IQCM: variants seen among roughly 807,000 people sequenced by gnomAD.
IQCM encodes the protein IQ motif containing M, also known as IQ domain-containing protein M.
A neutral mutation model predicts 57.6 loss-of-function variants in IQCM; 45 were observed. The ratio of observed to expected loss-of-function variants is 0.78; its 90% CI spans 0.62 to 1.00. IQCM has a LOEUF of 1.00. IQCM is among the 50% of genes least tolerant of loss of function. The pLI, the probability that IQCM is intolerant of heterozygous loss-of-function variation, is 0.00. For synonymous variants in IQCM, 148 were observed against 158.9 expected (o/e 0.93, Z 0.51); for missense variants, 468 against 511.6 (o/e 0.91, Z 0.82).
At chr4:149,425,172 A>G (rs1734379438) in intron 13 of IQCM, among the ~76,000 whole-genome samples, 1 of 152,056 alleles carries the variant, frequency 6.6e-6, no homozygotes, top group Non-Finnish European at 1.5e-5. Flanking sequence ...TTATAAGAGT[A>G]TAAAGTGAAT....
intron 8 of IQCM, among the ~76,000 whole-genome samples, chr4:149,591,422 T>C (rs1481434571): frequency 1.3e-5 from 2 of 152,060 alleles, no homozygotes; most frequent in Admixed American, 6.6e-5. Context: ...TGGCCTATTA[T>C]GCCCCAACAC....
chr4:149,595,051 T>C (rs539529126), intron 8 of IQCM, among the ~76,000 whole-genome samples: 1 of 152,258 alleles, frequency 6.6e-6, no homozygotes, highest in African/African-American at 2.4e-5. Context: ...ATGTTGACAG[T>C]GGGGTGTTAA....
At chr4:149,593,972 C>A (rs550154380) in intron 8 of IQCM, among the ~76,000 whole-genome samples, 21 of 152,156 alleles carry the variant, frequency 1.4e-4, no homozygotes, top group Admixed American at 7.9e-4. Context: ...CTGGCCTCAT[C>A]AAATGAGTTA....
chr4:149,771,435 T>C (rs1770571458), intron 2 of IQCM, among the ~76,000 whole-genome samples: 1 of 152,114 alleles, frequency 6.6e-6, no homozygotes, highest in Non-Finnish European at 1.5e-5. Flanking sequence ...ATCCTCATAT[T>C]ACAAGTTCAT....
chr4:149,697,338 T>A (rs1406968267), intron 5 of IQCM, among the ~76,000 whole-genome samples: 1 of 152,130 alleles, frequency 6.6e-6, no homozygotes, highest in Non-Finnish European at 1.5e-5. Context: ...ATGGCACATG[T>A]ATACATATGT....
rs1239692171 is a variant in IQCM, at chr4:149,632,956, T to C, written c.566-11712A>G. Among the ~76,000 whole-genome samples the C allele has an allele frequency of 4.0e-5, 6 of 148,778 alleles. No individual in the cohort carries two copies. In the East Asian group the frequency reaches 1.2e-3, roughly 30 times the overall value. ...GCGGGTGGATCATGAGGTCAGGAGA[T>C]CGAGACCATCCTGGCTAACAAGGTG... is the stretch of plus-strand genomic sequence containing the variant. On this transcript the variant is annotated intron_variant, in intron 7 of 13. Transcript: ENST00000636793.
At chr4:149,674,110 C>T (rs1761546183) in intron 7 of IQCM, among the ~76,000 whole-genome samples, 4 of 151,972 alleles carry the variant, frequency 2.6e-5, no homozygotes, top group Admixed American at 2.6e-4. Context: ...TCACCATATT[C>T]TCAGAAAAAG....
At chr4:149,673,545 A>C (rs545719459) in intron 7 of IQCM, among the ~76,000 whole-genome samples, 1 of 152,314 alleles carries the variant, frequency 6.6e-6, no homozygotes, top group South Asian at 2.1e-4. Flanking sequence ...CATAATGGTA[A>C]AGGGATCAAT....
chr4:149,419,335 C>T (rs1174198944), intron 13 of IQCM, among the ~76,000 whole-genome samples: 1 of 152,010 alleles, frequency 6.6e-6, no homozygotes, highest in African/African-American at 2.4e-5. Context: ...AGAAATAAGA[C>T]CAAATATCTA....
In IQCM at chr4:149,428,484, C is replaced by T. The variant is rs141812145; in HGVS notation, c.1390+4912G>A. On this transcript the variant is annotated intron_variant, in intron 13 of 13. Coordinates refer to ENST00000636793, the MANE Select transcript of IQCM (RefSeq NM_001363507.2). ...GGATTCTGAAGAATACATTAAATAG[C>T]CCATTTTAGAAAACAGAGAGTCATA... Among the ~76,000 whole-genome samples the T allele has an allele frequency of 3.2e-3, 493 of 151,810 alleles. 4 individuals carry two copies. Among genetic ancestry groups the T allele is most frequent in the African/African-American group, 0.011 (471 of 41,474 alleles).
intron 12 of IQCM, among the ~76,000 whole-genome samples, chr4:149,496,723 C>T (rs1579263937): frequency 6.6e-6 from 1 of 152,036 alleles, no homozygotes; most frequent in Non-Finnish European, 1.5e-5. Flanking sequence ...TTGTTTTAAG[C>T]CATTATGTTT....
intron 2 of IQCM, among the ~76,000 whole-genome samples, chr4:149,754,757 T>C (rs1768806193): frequency 6.6e-6 from 1 of 152,178 alleles, no homozygotes; most frequent in Non-Finnish European, 1.5e-5. Flanking sequence ...TTGAATCTCT[T>C]TTCTACCACA....
intron 5 of IQCM, among the ~76,000 whole-genome samples, chr4:149,722,383 G>C (rs1765521503): frequency 6.6e-6 from 1 of 151,980 alleles, no homozygotes; most frequent in African/African-American, 2.4e-5. Flanking sequence ...CCAATGTCCA[G>C]AAAAATTTTT....
chr4:149,360,763 T>C (rs542495736), intron 13 of IQCM, among the ~76,000 whole-genome samples: 27 of 152,314 alleles, frequency 1.8e-4, no homozygotes, highest in African/African-American at 6.3e-4. Context: ...CCTCTTTTTC[T>C]TCCTAGTCTT....
intron 13 of IQCM, among the ~76,000 whole-genome samples, chr4:149,393,564 TA>T (rs1238904063): frequency 1.3e-5 from 2 of 151,692 alleles, no homozygotes; most frequent in South Asian, 2.1e-4. Context: ...ATAAGATAAA[TA>T]AAAATGGATA....
chr4:149,431,001 G>C (rs1734807720), intron 13 of IQCM, among the ~76,000 whole-genome samples: 1 of 151,826 alleles, frequency 6.6e-6, no homozygotes, highest in Non-Finnish European at 1.5e-5. Flanking sequence ...AGGAGTTTGA[G>C]ACTAGCCTGG....
At chr4:149,767,150 G>A (rs1580244698) in intron 2 of IQCM, among the ~76,000 whole-genome samples, 1 of 151,852 alleles carries the variant, frequency 6.6e-6, no homozygotes, top group East Asian at 1.9e-4. Context: ...ATTTTTAAAA[G>A]AGAGAATAGA....
chr4:149,565,630 A>C (rs1750552664), intron 9 of IQCM, among the ~76,000 whole-genome samples: 2 of 152,148 alleles, frequency 1.3e-5, no homozygotes, highest in Admixed American at 1.3e-4. Context: ...TCATAAGAAG[A>C]ATTTGTTGAT....
intron 9 of IQCM, among the ~76,000 whole-genome samples, chr4:149,586,818 T>C (rs986674726): frequency 3.3e-5 from 5 of 151,724 alleles, no homozygotes; most frequent in Non-Finnish European, 2.9e-5. Flanking sequence ...CTTTTTTAAG[T>C]TTTGAACATT....
Sources: gnomAD v4.1 joint callset for allele counts (sites outside exome capture counted in the v4.1 genomes callset) on GRCh38, gnomAD v4.1.1 for gene constraint, MANE v1.5 for transcripts, NCBI Gene and HGNC (gene_info 2026-07-23, HGNC 2026-07-21) for gene names.